PCYT1A: variants seen among roughly 807,000 people sequenced by gnomAD.
PCYT1A encodes the protein phosphate cytidylyltransferase 1A, choline.
A neutral mutation model predicts 43.7 loss-of-function variants in PCYT1A; 25 were observed. That is an observed-to-expected ratio of 0.57 (90% confidence interval 0.42 to 0.80). PCYT1A has a LOEUF of 0.80. PCYT1A is among the 30% of genes least tolerant of loss of function. PCYT1A has a pLI of 0.00. For missense variants in PCYT1A, 421 were observed against 474.2 expected, an observed-to-expected ratio of 0.89 and a Z score of 1.04; for synonymous variants, 172 against 170.7, an observed-to-expected ratio of 1.01 and a Z score of -0.06.
chr3:196,279,698 A>G (rs1251255229), intron 1 of PCYT1A, among the ~76,000 whole-genome samples: 1 of 152,128 alleles, frequency 6.6e-6, no homozygotes, highest in Admixed American at 6.6e-5. Context: ...CTAAGGATAC[A>G]GCTAGTCATA....
At chr3:196,269,309 A>C (rs1483963785) in intron 2 of PCYT1A, among the ~76,000 whole-genome samples, 1 of 152,220 alleles carries the variant, frequency 6.6e-6, no homozygotes, top group African/African-American at 2.4e-5. Flanking sequence ...ATTTGGAATA[A>C]GTATTAACTG....
At chr3:196,256,120 G>A (rs1724942965) in intron 3 of PCYT1A, among the ~76,000 whole-genome samples, 1 of 152,166 alleles carries the variant, frequency 6.6e-6, no homozygotes, top group Admixed American at 6.5e-5. Context: ...AGGATTCTCT[G>A]GAATTAGCCT....
intron 2 of PCYT1A, among the ~76,000 whole-genome samples, chr3:196,263,390 A>AT (rs1258358442): frequency 4.6e-5 from 7 of 151,394 alleles, no homozygotes; most frequent in African/African-American, 7.3e-5. Flanking sequence ...TAATTTTTCC[A>AT]TTTTTTTTGT....
At chr3:196,274,132 T>C (rs942043978) in intron 1 of PCYT1A, among the ~76,000 whole-genome samples, 3 of 152,238 alleles carry the variant, frequency 2.0e-5, no homozygotes, top group Non-Finnish European at 4.4e-5. Flanking sequence ...GCCTCAACTT[T>C]GCTCCAAAAT....
chr3:196,246,614 A>G (rs967219921), intron 5 of PCYT1A, among the ~76,000 whole-genome samples: 1 of 152,336 alleles, frequency 6.6e-6, no homozygotes, highest in African/African-American at 2.4e-5. Context: ...AGTGAGAAAT[A>G]TCCTTGATTT....
intron 2 of PCYT1A, among the ~76,000 whole-genome samples, chr3:196,266,969 G>A (rs1201515932): frequency 4.0e-5 from 6 of 151,846 alleles, no homozygotes; most frequent in African/African-American, 7.3e-5. Context: ...TCAGGAGATC[G>A]AGACCATCCT....
rs1724254383 is a variant in PCYT1A, at chr3:196,238,746, G to A, written c.1046C>T (p.Ala349Val). 1 of 1,591,948 alleles carries A rather than the reference G, an allele frequency of 6.3e-7. No homozygotes were observed. The highest frequency in any genetic ancestry group is 8.5e-7 in the Non-Finnish European group (1 of 1,170,106). ...TGCAGCCTTGTGCCTGGAGAGATTTGCTGGGGAGCAAGGTGGGGAAGTCTT... is the reference window on the plus strand; with the variant it reads ...TGCAGCCTTGTGCCTGGAGAGATTTACTGGGGAGCAAGGTGGGGAAGTCTT... ...SGKTSPPCSPANLSRHKAAAY... is the reference protein window; with the variant it reads ...SGKTSPPCSPVNLSRHKAAAY... Residue 349 changes from alanine to valine, a missense_variant, in exon 9 of 9, where the codon GCA becomes GTA. Physicochemically the swap from Ala to Val is moderately conservative, Grantham distance 64. Coordinates refer to ENST00000431016, the MANE Select transcript of PCYT1A (RefSeq NM_001312673.2).
chr3:196,280,561 ATTTTTATTGTTT>A (rs1725734878), intron 1 of PCYT1A, among the ~76,000 whole-genome samples: 1 of 76,350 alleles, frequency 1.3e-5, no homozygotes, highest in Non-Finnish European at 2.7e-5. Flanking sequence ...TTGTATTGGT[ATTTTTATTGTTT>A]TTTTTTTTTT....
chr3:196,281,375 A>C (rs1019829691), intron 1 of PCYT1A, among the ~76,000 whole-genome samples: 8 of 152,214 alleles, frequency 5.3e-5, no homozygotes, highest in Non-Finnish European at 1.2e-4. Context: ...GGCTAAGCGA[A>C]AGTAGGGAAA....
In PCYT1A at chr3:196,236,056, GT is replaced by G. The variant is rs1004408911; in HGVS notation, c.*2631del. ...GGGAAAGGGAGTTTCCCAATAACAT[GT>G]ACGTTTGCTGGCCCTAGCAGTCTCA... On this transcript the variant is annotated 3_prime_UTR_variant, in exon 9 of 9. Coordinates refer to ENST00000431016, the MANE Select transcript of PCYT1A (RefSeq NM_001312673.2). 2 of 152,220 alleles carry G rather than the reference GT, an allele frequency of 1.3e-5. No homozygotes were observed. The highest frequency in any genetic ancestry group is 4.8e-5 in the African/African-American group (2 of 41,452). The allele number at this position is 152,220 out of a possible 1,614,324, so 9.4% of individuals were successfully genotyped here.
chr3:196,241,069 C>T (rs1165544572), intron 7 of PCYT1A, among the ~76,000 whole-genome samples: 3 of 144,376 alleles, frequency 2.1e-5, no homozygotes, highest in Non-Finnish European at 4.5e-5. Flanking sequence ...CAAGGGGGTC[C>T]GATCGCTTGA....
intron 1 of PCYT1A, among the ~76,000 whole-genome samples, chr3:196,283,306 A>G (rs1414084691): frequency 6.6e-6 from 1 of 152,172 alleles, no homozygotes; most frequent in East Asian, 1.9e-4. Flanking sequence ...CCTGGGCAAC[A>G]AGGCAAGACT....
rs921317207 is a variant in PCYT1A, at chr3:196,236,231, G to A, written c.*2457C>T. The A allele has an allele frequency of 6.6e-6, 1 of 152,202 alleles. No homozygotes were observed. The highest frequency in any genetic ancestry group is 1.5e-5 in the Non-Finnish European group (1 of 68,056). The allele number at this position is 152,202 out of a possible 1,614,324, so 9.4% of individuals were successfully genotyped here. A position where few individuals can be genotyped will look rare whatever the true frequency, so the allele number is the denominator to read the frequency against. ...AATAGGGAGGGAGGAGGAAAACCACGTTCCGGGCATCTCCCTGTCTATCCA... is the reference window on the plus strand; with the variant it reads ...AATAGGGAGGGAGGAGGAAAACCACATTCCGGGCATCTCCCTGTCTATCCA... On this transcript the variant is annotated 3_prime_UTR_variant, in exon 9 of 9. Transcript: ENST00000431016.
intron 1 of PCYT1A, among the ~76,000 whole-genome samples, chr3:196,278,087 T>A (rs1725644664): frequency 6.6e-6 from 1 of 152,088 alleles, no homozygotes; most frequent in Non-Finnish European, 1.5e-5. Context: ...CCCGGACACA[T>A]CACCTTTGCT....
At position 196,247,242 on chromosome 3, in the gene PCYT1A, C is replaced by T; in HGVS notation, c.486+125G>A. 1.0e-6 allele frequency: 1 copy of T among 964,428 alleles called. No homozygotes were observed. Among genetic ancestry groups the T allele is most frequent in the Non-Finnish European group, 1.6e-6 (1 of 615,962 alleles). The allele number at this position is 964,428 out of a possible 1,614,324, so 59.7% of individuals were successfully genotyped here. ...TCACTAGTAATATCACTGTCATCTC[C>T]TACGAAACTTACATAAGAGGTAGAA... On this transcript the variant is annotated intron_variant, in intron 5 of 8. Coordinates refer to ENST00000431016, the MANE Select transcript of PCYT1A (RefSeq NM_001312673.2). The surrounding 1 kb of genome is among the most constrained non-coding windows in gnomAD (Gnocchi z 4.8).
rs1577358495 is a variant in PCYT1A, at chr3:196,248,194, A to G, written c.334+13T>C. 1.6e-5 allele frequency: 23 copies of G among 1,462,650 alleles called. No individual in the cohort carries two copies. In the East Asian group the frequency reaches 5.2e-4, roughly 33 times the overall value. The allele number at this position is 1,462,650 out of a possible 1,614,324, so 90.6% of individuals were successfully genotyped here. ...TTCTGCACAGCACCTGAAGTCACCA[A>G]ATGTTTTCTTACCTCCCACAATGAG... On this transcript the variant is annotated intron_variant, in intron 4 of 8. Coordinates refer to ENST00000431016, the MANE Select transcript of PCYT1A (RefSeq NM_001312673.2).
chr3:196,237,593 G>C lies in PCYT1A; in HGVS notation c.*1095C>G, dbSNP rs929938095. Reference sequence around the variant, plus strand: ...TGTTCTGAAGAGGGACAGAGGTCAAGGTGATAAGGCTGTTGCTTTAGAAAG... The same window carrying C: ...TGTTCTGAAGAGGGACAGAGGTCAACGTGATAAGGCTGTTGCTTTAGAAAG... On this transcript the variant is annotated 3_prime_UTR_variant, in exon 9 of 9. Coordinates refer to ENST00000431016, the MANE Select transcript of PCYT1A (RefSeq NM_001312673.2). 1 of 152,258 alleles carries C rather than the reference G, an allele frequency of 6.6e-6. No individual in the cohort carries two copies. Among genetic ancestry groups the C allele is most frequent in the Admixed American group, 6.5e-5 (1 of 15,288 alleles). 9.4% of individuals were successfully genotyped at this position (152,258 alleles called of 1,614,324 possible).
intron 3 of PCYT1A, among the ~76,000 whole-genome samples, chr3:196,256,219 C>T (rs184360273): frequency 6.6e-6 from 1 of 152,292 alleles, no homozygotes; most frequent in African/African-American, 2.4e-5. Context: ...TTGGCCGGCG[C>T]GGTGGCTCAC....
chr3:196,252,821 A>C lies in PCYT1A; in HGVS notation c.218-4498T>G, dbSNP rs1724842479. ...GGTAGGAGGACTGCTTGAGCCCAGG[A>C]GTCTGAGACCAGCCTGGGCAACACA... On this transcript the variant is annotated intron_variant, in intron 3 of 8. Transcript: ENST00000431016. This position sits in a 1 kb window ranked among gnomAD's most constrained non-coding sequence, Gnocchi z 4.0. 6.6e-6 allele frequency among the ~76,000 whole-genome samples: 1 copy of C among 152,132 alleles called. No individual in the cohort carries two copies. The highest frequency in any genetic ancestry group is 2.1e-4 in the South Asian group (1 of 4,826).
Sources: gnomAD v4.1 joint callset for allele counts (sites outside exome capture counted in the v4.1 genomes callset) on GRCh38, gnomAD v4.1.1 for gene constraint, Gnocchi (gnomAD v3.1) non-coding constraint, MANE v1.5 for transcripts, NCBI Gene and HGNC (gene_info 2026-07-23, HGNC 2026-07-21) for gene names.